The following DOK5 variants were observed in gnomAD, a reference collection of about 807,000 sequenced individuals.
DOK5 encodes docking protein 5, also known as downstream of tyrosine kinase 5.
In DOK5, 27 loss-of-function variants were observed where a neutral mutation model predicts 43.3. The ratio of observed to expected loss-of-function variants is 0.62; its 90% CI spans 0.46 to 0.86. The LOEUF (loss-of-function observed/expected upper bound fraction) is 0.86. Ranked by LOEUF, DOK5 falls within the 40% of genes least tolerant of loss-of-function variation. The pLI, the probability that DOK5 is intolerant of heterozygous loss-of-function variation, is 0.00. For synonymous variants in DOK5, 146 were observed against 140.1 expected (o/e 1.04, Z -0.30); for missense variants, 373 against 392.9 (o/e 0.95, Z 0.43).
intron 1 of DOK5, among the ~76,000 whole-genome samples, chr20:54,486,314 A>G (rs1600653819): frequency 6.6e-6 from 1 of 151,312 alleles, no homozygotes; most frequent in Non-Finnish European, 1.5e-5. Context: ...TATGCCTTAT[A>G]TATGTACAGT....
chr20:54,534,890 G>T (rs774764229), intron 1 of DOK5, among the ~76,000 whole-genome samples: 1 of 147,484 alleles, frequency 6.8e-6, no homozygotes, highest in Non-Finnish European at 1.5e-5. Flanking sequence ...AGGCTGGAGT[G>T]CAGTGGCACG....
intron 1 of DOK5, among the ~76,000 whole-genome samples, chr20:54,537,196 C>G (rs909046643): frequency 6.6e-6 from 1 of 152,192 alleles, no homozygotes; most frequent in Non-Finnish European, 1.5e-5. Context: ...TGGATTTCTA[C>G]CAGCAGCAAC....
At chr20:54,635,321 C>T (rs1320846384) in intron 6 of DOK5, among the ~76,000 whole-genome samples, 1 of 152,142 alleles carries the variant, frequency 6.6e-6, no homozygotes, top group Non-Finnish European at 1.5e-5. Context: ...ATCTTCTTCC[C>T]TTTTCAGGTG....
At chr20:54,591,031 A>G (rs1029055179) in intron 4 of DOK5, among the ~76,000 whole-genome samples, 1 of 152,208 alleles carries the variant, frequency 6.6e-6, no homozygotes, top group African/African-American at 2.4e-5. Flanking sequence ...TGGCTAAAGG[A>G]AGTTCTTTGT....
intron 6 of DOK5, among the ~76,000 whole-genome samples, chr20:54,616,131 T>G (rs1986800696): frequency 6.6e-6 from 1 of 152,184 alleles, no homozygotes; most frequent in Non-Finnish European, 1.5e-5. Context: ...ATATCTCTGC[T>G]CTGTAACAGA....
At chr20:54,493,605 G>A (rs367703180) in intron 1 of DOK5, among the ~76,000 whole-genome samples, 18 of 152,102 alleles carry the variant, frequency 1.2e-4, no homozygotes, top group African/African-American at 3.4e-4. Flanking sequence ...AAATAGCCAC[G>A]TACATAGTCA....
chr20:54,481,040 ATCTATCATCTG>A (rs1915347783), intron 1 of DOK5, among the ~76,000 whole-genome samples: 8 of 123,016 alleles, frequency 6.5e-5, no homozygotes, highest in African/African-American at 2.7e-4. Context: ...TCTATCATCT[ATCTATCATCTG>A]TCTATCATCT....
chr20:54,506,662 G>A (rs112030319), intron 1 of DOK5, among the ~76,000 whole-genome samples: 79 of 152,186 alleles, frequency 5.2e-4, no homozygotes, highest in African/African-American at 1.8e-3. Context: ...GAGTCTCTCC[G>A]GTTGCCCAGG....
At chr20:54,619,448 T>G (rs1224343032) in intron 6 of DOK5, among the ~76,000 whole-genome samples, 1 of 152,168 alleles carries the variant, frequency 6.6e-6, no homozygotes, top group African/African-American at 2.4e-5. Context: ...GTGTGGGATA[T>G]TCCTCATTCC....
At chr20:54,598,043 C>A (rs1397229773) in intron 5 of DOK5, among the ~76,000 whole-genome samples, 2 of 152,140 alleles carry the variant, frequency 1.3e-5, no homozygotes, top group African/African-American at 4.8e-5. Flanking sequence ...TTTTTGGAAC[C>A]CCCTGTATGT....
chr20:54,617,112 A>G (rs1600740109), intron 6 of DOK5, among the ~76,000 whole-genome samples: 1 of 151,892 alleles, frequency 6.6e-6, no homozygotes, highest in African/African-American at 2.4e-5. Flanking sequence ...TCAAGCTCAC[A>G]TGGTTATTGG....
chr20:54,646,255 T>G (rs996216139), intron 7 of DOK5, among the ~76,000 whole-genome samples: 1 of 136,088 alleles, frequency 7.3e-6, no homozygotes, highest in Non-Finnish European at 1.6e-5. Flanking sequence ...ACTGTTTTTT[T>G]TTTTTTTTTT....
At chr20:54,515,414 C>T (rs769084576) in intron 1 of DOK5, among the ~76,000 whole-genome samples, 1 of 152,150 alleles carries the variant, frequency 6.6e-6, no homozygotes, top group Non-Finnish European at 1.5e-5. Flanking sequence ...CTAATTGAAA[C>T]CACCATTTAT....
intron 6 of DOK5, among the ~76,000 whole-genome samples, chr20:54,615,366 G>A (rs1986773312): frequency 6.6e-6 from 1 of 152,162 alleles, no homozygotes; most frequent in Non-Finnish European, 1.5e-5. Context: ...GACTTTGCAG[G>A]TGTGATCGAG....
At position 54,575,191 on chromosome 20, in the gene DOK5, G is replaced by T. The variant is rs545544838; in HGVS notation, c.175-13292G>T. Reference sequence around the variant, plus strand: ...ACTAACACGATCTTTTCAACAGGCAGGAATCATTTACAAAATATGGACTTT... The same window carrying T: ...ACTAACACGATCTTTTCAACAGGCATGAATCATTTACAAAATATGGACTTT... On this transcript the variant is annotated intron_variant, in intron 2 of 7. Coordinates refer to ENST00000262593, the MANE Select transcript of DOK5 (RefSeq NM_018431.5). Among the ~76,000 whole-genome samples the T allele has an allele frequency of 2.1e-4, 32 of 152,220 alleles. 1 individual carries two copies. The South Asian group carries it at 6.6e-3, about 32-fold the overall frequency.
At position 54,514,620 on chromosome 20, in the gene DOK5, G is replaced by T. The variant is rs559533181; in HGVS notation, c.66+38608G>T. Among the ~76,000 whole-genome samples, 62 of 131,144 alleles carry T rather than the reference G, an allele frequency of 4.7e-4. 1 individual carries two copies. In the South Asian group the frequency reaches 0.014, roughly 29 times the overall value. The allele number at this position is 131,144 out of a possible 152,430, so 86.0% of individuals were successfully genotyped here. ...TTTTTTTTTTTTTGGCTACAGAAAG[G>T]CAATCAGGGGAGAGCAATTGGAGAT... On this transcript the variant is annotated intron_variant, in intron 1 of 7. Transcript: ENST00000262593.
chr20:54,496,785 A>G (rs1982419367), intron 1 of DOK5, among the ~76,000 whole-genome samples: 1 of 151,512 alleles, frequency 6.6e-6, no homozygotes, highest in Non-Finnish European at 1.5e-5. Flanking sequence ...AAAAAAAAAA[A>G]AGAAAAAAAT....
chr20:54,646,146 A>C (rs139003006), intron 7 of DOK5, among the ~76,000 whole-genome samples: 234 of 151,818 alleles, frequency 1.5e-3, no homozygotes, highest in Middle Eastern at 3.4e-3. Context: ...TGTCATATAC[A>C]TACCAGAATG....
chr20:54,568,546 A>G (rs7270771), intron 2 of DOK5, among the ~76,000 whole-genome samples: 5 of 152,308 alleles, frequency 3.3e-5, no homozygotes, highest in Admixed American at 1.3e-4. Flanking sequence ...GAAATCTACT[A>G]ATCGGTTTAC....
Sources: gnomAD v4.1 joint callset for allele counts (sites outside exome capture counted in the v4.1 genomes callset) on GRCh38, gnomAD v4.1.1 for gene constraint, MANE v1.5 for transcripts, NCBI Gene and HGNC (gene_info 2026-07-23, HGNC 2026-07-21) for gene names.